STK38: variants seen among roughly 807,000 people sequenced by gnomAD.
STK38 encodes the protein serine/threonine kinase 38, also known as serine/threonine-protein kinase 38.
Under a neutral mutation model 59.0 loss-of-function variants are expected in STK38, and 26 were observed. The observed-to-expected ratio is 0.44, with a 90% confidence interval of 0.32 to 0.61. STK38 has a LOEUF of 0.61. Ranked by LOEUF, STK38 falls within the 20% of genes least tolerant of loss-of-function variation. The pLI is 0.04. For missense variants in STK38, 433 were observed against 566.0 expected, an observed-to-expected ratio of 0.76 and a Z score of 2.38; for synonymous variants, 175 against 176.6, an observed-to-expected ratio of 0.99 and a Z score of 0.07.
chr6:36,546,982 G>A (rs1778065876), intron 1 of STK38, among the ~76,000 whole-genome samples: 1 of 152,196 alleles, frequency 6.6e-6, no homozygotes, highest in Non-Finnish European at 1.5e-5. Flanking sequence ...GGAAAAATGT[G>A]GAGAGGGCCA....
intron 4 of STK38, among the ~76,000 whole-genome samples, chr6:36,523,101 T>C (rs904242735): frequency 1.3e-5 from 2 of 152,034 alleles, no homozygotes; most frequent in South Asian, 4.1e-4. Flanking sequence ...TTTTTCCTAA[T>C]TGAGTACCAC....
At chr6:36,531,468 A>T (rs908117313) in intron 2 of STK38, among the ~76,000 whole-genome samples, 3 of 152,244 alleles carry the variant, frequency 2.0e-5, no homozygotes, top group Non-Finnish European at 4.4e-5. Context: ...TTGTTTTTTA[A>T]TGAAAAAGTA....
chr6:36,543,543 A>C (rs1027201895), intron 1 of STK38, among the ~76,000 whole-genome samples: 1 of 152,126 alleles, frequency 6.6e-6, no homozygotes, highest in Non-Finnish European at 1.5e-5. Context: ...CCAGGAGTTC[A>C]TGAGTCCAGG....
intron 2 of STK38, among the ~76,000 whole-genome samples, chr6:36,526,220 G>GTT (rs60509165): frequency 3.4e-4 from 44 of 130,482 alleles, no homozygotes; most frequent in Non-Finnish European, 6.6e-4. Context: ...GGTTTTGGGT[G>GTT]TTTTTTTTTT....
intron 2 of STK38, among the ~76,000 whole-genome samples, chr6:36,539,777 A>C (rs2127491562): frequency 7.1e-6 from 1 of 141,388 alleles, no homozygotes; most frequent in East Asian, 2.0e-4. Flanking sequence ...TAAGATACAG[A>C]GTCTCAGTGT....
At chr6:36,501,608 A>AG (rs973095450) in intron 9 of STK38, among the ~76,000 whole-genome samples, 1 of 138,204 alleles carries the variant, frequency 7.2e-6, no homozygotes, top group Non-Finnish European at 1.5e-5. Flanking sequence ...TATTTTTAGT[A>AG]GAGACAGGGT....
chr6:36,526,665 C>T (rs1426759331), intron 2 of STK38, among the ~76,000 whole-genome samples: 11 of 151,408 alleles, frequency 7.3e-5, no homozygotes, highest in South Asian at 2.1e-4. Flanking sequence ...GAGGCCGAGG[C>T]GGGTGGATCA....
chr6:36,496,839 T>C, intron 12 of STK38, 34 bp from the exon 13 acceptor site: 1 of 1,506,502 alleles, frequency 6.6e-7, no homozygotes, highest in Non-Finnish European at 9.2e-7. Context: ...AATTACTAAG[T>C]TAGTAATCAA....
chr6:36,518,549 C>T (rs1777308754), intron 5 of STK38, among the ~76,000 whole-genome samples: 1 of 152,032 alleles, frequency 6.6e-6, no homozygotes, highest in Admixed American at 6.6e-5. Flanking sequence ...ATTATCAAAT[C>T]CCCCCCACAC....
intron 2 of STK38, among the ~76,000 whole-genome samples, chr6:36,530,227 C>T (rs1056528737): frequency 2.7e-5 from 4 of 148,314 alleles, no homozygotes; most frequent in East Asian, 2.0e-4. Flanking sequence ...GGTGACAGAG[C>T]GAGATTCTGT....
At chr6:36,522,984 T>C (rs372573847) in intron 4 of STK38, among the ~76,000 whole-genome samples, 2 of 151,956 alleles carry the variant, frequency 1.3e-5, no homozygotes, top group Non-Finnish European at 2.9e-5. Flanking sequence ...GATAATTTTA[T>C]GAAGAAAATT....
chr6:36,526,393 C>T (rs1461014146), intron 2 of STK38, among the ~76,000 whole-genome samples: 1 of 152,034 alleles, frequency 6.6e-6, no homozygotes, highest in Non-Finnish European at 1.5e-5. Context: ...TAACAAACAA[C>T]AAAGTTAAAA....
At chr6:36,504,932 AAAAGAAAGGAAAG>A (rs1389896164) in intron 9 of STK38, among the ~76,000 whole-genome samples, 1 of 147,176 alleles carries the variant, frequency 6.8e-6, no homozygotes, top group Non-Finnish European at 1.5e-5. Context: ...AGAAAGAAAG[AAAAGAAAGGAAAG>A]AAAGAAAGAA....
chr6:36,545,566 T>C (rs1364722907), intron 1 of STK38, among the ~76,000 whole-genome samples: 2 of 152,152 alleles, frequency 1.3e-5, no homozygotes, highest in African/African-American at 2.4e-5. Context: ...ACTTCCTCTA[T>C]TGTAATATAA....
At chr6:36,537,893 C>T (rs1045726149) in intron 2 of STK38, among the ~76,000 whole-genome samples, 4 of 151,264 alleles carry the variant, frequency 2.6e-5, no homozygotes, top group South Asian at 4.2e-4. Context: ...AACAACACCC[C>T]GTCTCGACAA....
chr6:36,532,307 C>CAAA (rs1491440893), intron 2 of STK38, among the ~76,000 whole-genome samples: 3 of 103,556 alleles, frequency 2.9e-5, no homozygotes, highest in African/African-American at 7.4e-5. Context: ...ACCTTGTCTG[C>CAAA]ATAAAAAAAA....
intron 1 of STK38, among the ~76,000 whole-genome samples, chr6:36,543,613 C>T (rs1409112506): frequency 2.6e-5 from 4 of 151,746 alleles, no homozygotes; most frequent in Admixed American, 2.6e-4. Context: ...CCCACAGCTG[C>T]AGCAAAAAAG....
intron 9 of STK38, among the ~76,000 whole-genome samples, chr6:36,500,789 T>C (rs1397387514): frequency 2.0e-5 from 3 of 149,622 alleles, no homozygotes; most frequent in East Asian, 3.9e-4. Flanking sequence ...ATAGGAATTA[T>C]AGTATCTTAC....
rs201700937 is a variant in STK38, at chr6:36,538,974, AT to A, written c.131+1097del. ...GATAGATGGATATGCAGTTAAACAA[AT>A]ATAATAAATAACCATTATAGACTCT... is the stretch of plus-strand genomic sequence containing the variant. On this transcript the variant is annotated intron_variant, in intron 2 of 13. Coordinates refer to ENST00000229812, the MANE Select transcript of STK38 (RefSeq NM_007271.4). Among the ~76,000 whole-genome samples, 697 of 152,206 alleles carry A rather than the reference AT, an allele frequency of 4.6e-3. 38 individuals are homozygous for A. In the East Asian group the frequency reaches 0.11, roughly 25 times the overall value.
Sources: allele counts gnomAD v4.1 joint callset (sites outside exome capture counted in the v4.1 genomes callset), GRCh38; gene constraint gnomAD v4.1.1; transcripts MANE v1.5; gene names NCBI Gene and HGNC (gene_info 2026-07-23, HGNC 2026-07-21).